Variants in CCNB3 observed in about 807,000 individuals in gnomAD.
The protein encoded by CCNB3 is G2/mitotic-specific cyclin-B3.
In CCNB3, 12 loss-of-function variants were observed where a neutral mutation model predicts 68.0. The ratio of observed to expected loss-of-function variants is 0.18; its 90% confidence interval spans 0.11 to 0.29. The LOEUF (loss-of-function observed/expected upper bound fraction) is 0.29. CCNB3 is among the 10% of genes least tolerant of loss of function. The pLI is 1.00. For missense variants in CCNB3, 904 were observed against 993.1 expected, an observed-to-expected ratio of 0.91 and a Z score of 1.21; for synonymous variants, 354 against 388.9, an observed-to-expected ratio of 0.91 and a Z score of 1.06.
chrX:50,279,670 A>AT (rs1233276865), intron 1 of CCNB3, among the ~76,000 whole-genome samples: 1 of 86,799 alleles, frequency 1.2e-5, no homozygotes, highest in African/African-American at 4.0e-5. Context: ...AAATATATGA[A>AT]TATGTACATT....
intron 8 of CCNB3, among the ~76,000 whole-genome samples, chrX:50,323,668 C>G (rs1557216895): frequency 8.9e-6 from 1 of 112,348 alleles, no homozygotes. Flanking sequence ...TTAATTTACT[C>G]TTGCACTTGA....
At chrX:50,280,018 TAGAATATATATAAATATATAGAC>T (rs1200857747) in intron 1 of CCNB3, among the ~76,000 whole-genome samples, 1 of 83,043 alleles carries the variant, frequency 1.2e-5, no homozygotes, top group Non-Finnish European at 2.2e-5. Flanking sequence ...TATAAATATA[TAGAATATATATAAATATATAGAC>T]AGAATATATA....
chrX:50,305,587 A>G (rs192700191), intron 5 of CCNB3, among the ~76,000 whole-genome samples: 1 of 109,579 alleles, frequency 9.1e-6, no homozygotes, highest in East Asian at 2.9e-4. Context: ...GCACACCAAC[A>G]TGGCACATGT....
intron 1 of CCNB3, among the ~76,000 whole-genome samples, chrX:50,280,098 TATATATATAGAATATATAA>T (rs1936095138): frequency 4.8e-5 from 4 of 83,540 alleles, no homozygotes; most frequent in Non-Finnish European, 6.6e-5. Context: ...TACATATAAA[TATATATATAGAATATATAA>T]ATATATATAG....
At chrX:50,208,818 T>TATTA (rs782689614) in intron 1 of CCNB3, among the ~76,000 whole-genome samples, 1 of 111,950 alleles carries the variant, frequency 8.9e-6, no homozygotes, top group Non-Finnish European at 1.9e-5. Context: ...GTAGAATTGG[T>TATTA]GTTGTTCTTT....
upstream of CCNB3, among the ~76,000 whole-genome samples, chrX:50,203,110 T>C (rs191497029): frequency 5.8e-3 from 653 of 111,944 alleles, 7 homozygotes; most frequent in African/African-American, 0.02. Context: ...TGGTCATCAT[T>C]TTTTTTCTAA....
chrX:50,218,994 C>T (rs1050868299), intron 1 of CCNB3, among the ~76,000 whole-genome samples: 5 of 111,250 alleles, frequency 4.5e-5, no homozygotes, highest in African/African-American at 6.5e-5. Flanking sequence ...TATCTCATTG[C>T]GGTTTTGATT....
At chrX:50,302,557 C>G (rs1557212905) in intron 5 of CCNB3, among the ~76,000 whole-genome samples, 1 of 111,630 alleles carries the variant, frequency 9.0e-6, no homozygotes, top group Admixed American at 9.5e-5. Context: ...CCATGACAAT[C>G]AATTTTAGGA....
At chrX:50,279,750 A>G (rs1177282149) in intron 1 of CCNB3, among the ~76,000 whole-genome samples, 1 of 89,818 alleles carries the variant, frequency 1.1e-5, no homozygotes, top group Non-Finnish European at 2.1e-5. Flanking sequence ...GTATATTCAT[A>G]TATGTAAATA....
intron 5 of CCNB3, among the ~76,000 whole-genome samples, chrX:50,304,609 T>C (rs1014939901): frequency 8.9e-6 from 1 of 111,837 alleles, no homozygotes; most frequent in Non-Finnish European, 1.9e-5. Flanking sequence ...ACTTCATGTC[T>C]AAAACACCAA....
intron 5 of CCNB3, among the ~76,000 whole-genome samples, chrX:50,306,265 T>C (rs1921070292): frequency 9.0e-6 from 1 of 111,427 alleles, no homozygotes; most frequent in Non-Finnish European, 1.9e-5. Flanking sequence ...TTACTTAATT[T>C]CATTTTCAGA....
chrX:50,307,503 T>A (rs1416700609), intron 5 of CCNB3, among the ~76,000 whole-genome samples: 1 of 111,336 alleles, frequency 9.0e-6, no homozygotes, highest in Non-Finnish European at 1.9e-5. Flanking sequence ...GGACCTGGAA[T>A]CTATCTGGTC....
chrX:50,214,495 T>TATATATATATATATATATATATAC (rs1935533752), intron 1 of CCNB3, among the ~76,000 whole-genome samples: 1 of 68,075 alleles, frequency 1.5e-5, no homozygotes, highest in Non-Finnish European at 3.0e-5. Context: ...TATATATATA[T>TATATATATATATATATATATATAC]ATATATATAT....
chrX:50,228,735 T>G (rs1935987575), intron 1 of CCNB3, among the ~76,000 whole-genome samples: 1 of 70,132 alleles, frequency 1.4e-5, no homozygotes, highest in African/African-American at 5.7e-5. Flanking sequence ...ATATAGAATA[T>G]AGAAACATAT....
At chrX:50,326,203 A>G (rs1197164167) in intron 8 of CCNB3, among the ~76,000 whole-genome samples, 3 of 111,609 alleles carry the variant, frequency 2.7e-5, no homozygotes, top group African/African-American at 9.8e-5. Flanking sequence ...CCCCTCAAGT[A>G]AGCTGAGATA....
upstream of CCNB3, among the ~76,000 whole-genome samples, chrX:50,203,892 G>T (rs1557205098): frequency 9.0e-6 from 1 of 111,093 alleles, no homozygotes; most frequent in Non-Finnish European, 1.9e-5. Flanking sequence ...TGAGGGGTGG[G>T]CTTGGCTTGG....
At chrX:50,337,748 C>T (rs782685339) in intron 8 of CCNB3, among the ~76,000 whole-genome samples, 14 of 111,800 alleles carry the variant, frequency 1.3e-4, no homozygotes, top group South Asian at 3.8e-4. Flanking sequence ...TCACACCACA[C>T]GCACACCACA....
chrX:50,226,503 T>TATATAGAATATATAAAAATAG (rs1935812102), intron 1 of CCNB3, among the ~76,000 whole-genome samples: 3 of 75,178 alleles, frequency 4.0e-5, no homozygotes, highest in African/African-American at 1.6e-4. Flanking sequence ...TATAAAAATA[T>TATATAGAATATATAAAAATAG]ATATATAGAA....
At chrX:50,211,793 A>G (rs1935487181) in intron 1 of CCNB3, among the ~76,000 whole-genome samples, 1 of 112,304 alleles carries the variant, frequency 8.9e-6, no homozygotes, top group Admixed American at 9.4e-5. Context: ...TTGAGAAGGC[A>G]TTCATCCAAT....
Sources: allele counts gnomAD v4.1 joint callset (sites outside exome capture counted in the v4.1 genomes callset), GRCh38; gene constraint gnomAD v4.1.1; transcripts MANE v1.5; gene names NCBI Gene and HGNC (gene_info 2026-07-23, HGNC 2026-07-21).